RBMS1: variants seen among roughly 807,000 people sequenced by gnomAD.
RBMS1 encodes the protein RNA-binding motif, single-stranded-interacting protein 1.
In RBMS1, 17 loss-of-function variants were observed where a neutral mutation model predicts 62.3. The ratio of observed to expected loss-of-function variants is 0.27; its 90% CI spans 0.19 to 0.41. The LOEUF (loss-of-function observed/expected upper bound fraction) is 0.41, where lower values mean the gene tolerates loss of function less well. RBMS1 is among the 10% of genes least tolerant of loss of function. RBMS1 has a pLI of 1.00. For synonymous variants in RBMS1, 172 were observed against 170.0 expected, an observed-to-expected ratio of 1.01 and a Z score of -0.09; for missense variants, 334 against 504.5, an observed-to-expected ratio of 0.66 and a Z score of 3.24.
At chr2:160,280,666 G>A (rs934539998) in intron 10 of RBMS1, among the ~76,000 whole-genome samples, 1 of 152,144 alleles carries the variant, frequency 6.6e-6, no homozygotes, top group Non-Finnish European at 1.5e-5. Context: ...TGAGCATGCA[G>A]GGTCATTGTG....
intron 2 of RBMS1, among the ~76,000 whole-genome samples, chr2:160,338,298 A>C (rs986912435): frequency 6.6e-6 from 1 of 152,214 alleles, no homozygotes; most frequent in Non-Finnish European, 1.5e-5. Flanking sequence ...AATATTTTCC[A>C]CAAATCTTTA....
chr2:160,333,158 T>C (rs1573878541), intron 2 of RBMS1, among the ~76,000 whole-genome samples: 1 of 151,876 alleles, frequency 6.6e-6, no homozygotes, highest in African/African-American at 2.4e-5. Context: ...AAAGGGTAGG[T>C]GGGCTTTCTT....
At chr2:160,467,931 G>A (rs562968581) in intron 1 of RBMS1, among the ~76,000 whole-genome samples, 35 of 152,110 alleles carry the variant, frequency 2.3e-4, no homozygotes, top group Non-Finnish European at 4.1e-4. Flanking sequence ...ACTGCCAACT[G>A]GTACTGCATC....
intron 2 of RBMS1, among the ~76,000 whole-genome samples, chr2:160,322,114 T>A (rs543688117): frequency 6.6e-6 from 1 of 152,364 alleles, no homozygotes; most frequent in African/African-American, 2.4e-5. Flanking sequence ...GTACTTTGCA[T>A]GTATGCTTTT....
intron 12 of RBMS1, among the ~76,000 whole-genome samples, 172 bp from the exon 13 acceptor site, chr2:160,275,886 T>C (rs1687810854): frequency 6.6e-6 from 1 of 152,232 alleles, no homozygotes; most frequent in Non-Finnish European, 1.5e-5. Context: ...AGCTGGCATG[T>C]CTAACAGACC....
intron 1 of RBMS1, among the ~76,000 whole-genome samples, chr2:160,416,813 A>C (rs1696229508): frequency 6.6e-6 from 1 of 152,220 alleles, no homozygotes; most frequent in South Asian, 2.1e-4. Context: ...TAGACCAATA[A>C]TAAATTCATT....
At position 160,281,231 on chromosome 2, in the gene RBMS1, C is replaced by T. The variant is rs1688088718; in HGVS notation, c.951+83G>A. On this transcript the variant is annotated intron_variant, in intron 10 of 13. Transcript: ENST00000348849. ...TTAAAATTTCCCAAATCCTATACCA[C>T]CCTTGGCAAATGGTTTTAACCTAGA... The T allele has an allele frequency of 3.6e-6, 4 of 1,097,834 alleles. No homozygotes were observed. In the East Asian group the frequency reaches 1.0e-4, roughly 28 times the overall value. The allele number at this position is 1,097,834 out of a possible 1,614,324, so 68.0% of individuals were successfully genotyped here.
chr2:160,297,522 T>C (rs551729527), intron 6 of RBMS1, among the ~76,000 whole-genome samples: 1 of 152,324 alleles, frequency 6.6e-6, no homozygotes, highest in South Asian at 2.1e-4. Context: ...GAAGATACAG[T>C]TTCTACTTTC....
chr2:160,406,675 G>C (rs558993205), intron 1 of RBMS1, among the ~76,000 whole-genome samples: 4 of 152,298 alleles, frequency 2.6e-5, no homozygotes, highest in Admixed American at 1.3e-4. Flanking sequence ...GGCTCTGTGA[G>C]ATGTATCACA....
intron 1 of RBMS1, among the ~76,000 whole-genome samples, chr2:160,390,126 A>C (rs945611290): frequency 2.0e-5 from 3 of 152,178 alleles, no homozygotes; most frequent in Non-Finnish European, 4.4e-5. Context: ...TCCCTTTCTC[A>C]AGACAACAGG....
At chr2:160,442,325 T>C (rs1683442736) in intron 1 of RBMS1, among the ~76,000 whole-genome samples, 1 of 141,412 alleles carries the variant, frequency 7.1e-6, no homozygotes, top group Admixed American at 7.8e-5. Flanking sequence ...ATTTTTAGTA[T>C]AGAAATAGGT....
intron 1 of RBMS1, among the ~76,000 whole-genome samples, chr2:160,455,698 T>C (rs1684192154): frequency 6.6e-6 from 1 of 151,020 alleles, no homozygotes; most frequent in African/African-American, 2.4e-5. Flanking sequence ...TTTTTTTTTT[T>C]TTTGAGACGG....
intron 2 of RBMS1, among the ~76,000 whole-genome samples, chr2:160,358,857 CTTTTA>C (rs1692955454): frequency 6.6e-6 from 1 of 151,946 alleles, no homozygotes; most frequent in Non-Finnish European, 1.5e-5. Context: ...TTTTTGTTTA[CTTTTA>C]TTTTTCTTTC....
chr2:160,344,331 C>A (rs923686745), intron 2 of RBMS1, among the ~76,000 whole-genome samples: 2 of 152,162 alleles, frequency 1.3e-5, no homozygotes, highest in African/African-American at 4.8e-5. Flanking sequence ...GAAGTTTTAA[C>A]CAAGATTAAG....
At chr2:160,288,958 G>A (rs1163391736) in intron 6 of RBMS1, among the ~76,000 whole-genome samples, 5 of 152,086 alleles carry the variant, frequency 3.3e-5, no homozygotes. Context: ...GTTCAGTGCA[G>A]GCCACCTAAA....
In RBMS1 at chr2:160,319,239, C is replaced by T. The variant is rs533342416; in HGVS notation, c.252-1012G>A. Among the ~76,000 whole-genome samples, 19 of 152,228 alleles carry T rather than the reference C, an allele frequency of 1.2e-4. 1 individual carries two copies. Among genetic ancestry groups the T allele is most frequent in the African/African-American group, 4.3e-4 (18 of 41,538 alleles). ...TTAAAAATCAAAGTAAGGCTGGGCA[C>T]GGTGGCTCACACCTGTAATCCCAGC... On this transcript the variant is annotated intron_variant, in intron 2 of 13. Coordinates refer to ENST00000348849, the MANE Select transcript of RBMS1 (RefSeq NM_016836.4).
At chr2:160,457,170 G>A (rs1051863615) in intron 1 of RBMS1, among the ~76,000 whole-genome samples, 19 of 150,346 alleles carry the variant, frequency 1.3e-4, no homozygotes, top group South Asian at 4.2e-4. Context: ...TTGCTCTGTC[G>A]CCCAGGCTGG....
In RBMS1 at chr2:160,430,227, ATTTTAAGTCATTTTTAAG is replaced by A. The variant is rs1237160557; in HGVS notation, c.76-62854_76-62837del. On this transcript the variant is annotated intron_variant, in intron 1 of 13. Transcript: ENST00000348849. The stretch of plus-strand genomic sequence containing the variant: ...CCCAGCCAACCCAGGAAAATGCAAA[ATTTTAAGTCATTTTTAAG>A]TTTTAAGTCATTTTTAAGTCATTTT... Among the ~76,000 whole-genome samples, 8 of 152,346 alleles carry A rather than the reference ATTTTAAGTCATTTTTAAG, an allele frequency of 5.3e-5. No homozygotes were observed. In the East Asian group the frequency reaches 5.8e-4, roughly 11 times the overall value.
In RBMS1 at chr2:160,278,676, G is replaced by A. The variant is rs750083322; in HGVS notation, c.952-18C>T. 3 of 1,544,604 alleles carry A rather than the reference G, an allele frequency of 1.9e-6. No homozygotes were observed. Among genetic ancestry groups the A allele is most frequent in the Admixed American group, 1.8e-5 (1 of 56,258 alleles). ...ACGGCACCCTGGGGAGTTGGAGACA[G>A]GAGCAAAATTAGACAAACTGAGGCA... On this transcript the variant is annotated intron_variant, in intron 10 of 13. Transcript: ENST00000348849.
Sources: gnomAD v4.1 joint callset for allele counts (sites outside exome capture counted in the v4.1 genomes callset) on GRCh38, gnomAD v4.1.1 for gene constraint, MANE v1.5 for transcripts, NCBI Gene and HGNC (gene_info 2026-07-23, HGNC 2026-07-21) for gene names.